The following PLXNA1 variants were observed in gnomAD, a reference collection of about 807,000 sequenced individuals.
The protein encoded by PLXNA1 is plexin-A1.
A neutral mutation model predicts 191.7 loss-of-function variants in PLXNA1; 77 were observed. The ratio of observed to expected loss-of-function variants is 0.40; its 90% CI spans 0.33 to 0.49. The LOEUF is 0.49. PLXNA1 is among the 20% of genes least tolerant of loss of function. The pLI is 0.63. For synonymous variants in PLXNA1, 1,137 were observed against 1,156.4 expected (o/e 0.98, Z 0.34); for missense variants, 2,110 against 2,660.2 (o/e 0.79, Z 4.55).
In PLXNA1 at chr3:126,988,744, C is replaced by T. The variant is rs762922365; in HGVS notation, c.151C>T (p.Leu51Phe). 10 of 1,590,458 alleles carry T rather than the reference C, an allele frequency of 6.3e-6. No homozygotes were observed. In the South Asian group the frequency reaches 1.1e-4, roughly 18 times the overall value. Residue 51 changes from leucine to phenylalanine, a missense_variant, in exon 2 of 32, where the codon CTC (leucine) becomes TTC (phenylalanine). By Grantham distance (22) the Leu-to-Phe change is conservative. Coordinates refer to ENST00000393409, the MANE Select transcript of PLXNA1 (RefSeq NM_032242.4). Reference sequence around the variant, plus strand: ...CACCTTCTCGGCCAGCGACTGGGGCCTCACCCACCTAGTGGTGCATGAGCA... The same window carrying T: ...CACCTTCTCGGCCAGCGACTGGGGCTTCACCCACCTAGTGGTGCATGAGCA... Reference protein sequence around the residue: ...FRTFSASDWGLTHLVVHEQTG... With the variant: ...FRTFSASDWGFTHLVVHEQTG...
intron 3 of PLXNA1, among the ~76,000 whole-genome samples, chr3:127,000,451 C>T (rs1195664604): frequency 2.0e-5 from 3 of 152,114 alleles, no homozygotes; most frequent in Non-Finnish European, 4.4e-5. Flanking sequence ...GGCGTGTGCC[C>T]TTCTGTCCTG....
Position 126,983,236 on chromosome 3 carries a change from GGGCGGCTGGGCGCGGCGATGGCC to G in PLXNA1, c.-118_-96del, listed in dbSNP as rs890906626. On this transcript the variant is annotated 5_prime_UTR_variant, in exon 1 of 32. An upstream start codon of the reference 5' UTR is lost. Transcript: ENST00000393409. ...GCGGGGCGGACGGCGGCGGCGGCGCGGGCGGCTGGGCGCGGCGATGGCCGGCGGCGGGGCGCGCCCCGGGGCGG... is the reference window on the plus strand; with the variant it reads ...GCGGGGCGGACGGCGGCGGCGGCGCGGGCGGCGGGGCGCGCCCCGGGGCGG... Among the ~76,000 whole-genome samples, 1 of 143,288 alleles carries G rather than the reference GGGCGGCTGGGCGCGGCGATGGCC, an allele frequency of 7.0e-6. No homozygotes were observed. The highest frequency in any genetic ancestry group is 2.5e-5 in the African/African-American group (1 of 39,964). The allele number at this position is 143,288 out of a possible 152,430, so 94.0% of individuals were successfully genotyped here.
rs1166484051 is a variant in PLXNA1 at position 126,991,526 on chromosome 3, C to G, written c.1337C>G (p.Thr446Ser). ...GCTGCCTATGACTATCGGGGCCGCA[C>G]TGTGGTATTCGCCGGCACGCGAAGT... ...AVAAYDYRGRTVVFAGTRSGR... is the reference protein window; with the variant it reads ...AVAAYDYRGRSVVFAGTRSGR... Residue 446 changes from threonine to serine, a missense_variant, in exon 3 of 32, where the codon ACT becomes AGT. Physicochemically the swap from Thr to Ser is moderately conservative, Grantham distance 58 (BLOSUM62 1). This residue lies in a region of PLXNA1 where 903 missense variants were observed against 1,015.7 expected (regional missense o/e 0.89). Transcript: ENST00000393409. 6.2e-7 allele frequency: 1 copy of G among 1,605,278 alleles called. No individual in the cohort carries two copies. Among genetic ancestry groups the G allele is most frequent in the East Asian group, 2.2e-5 (1 of 44,552 alleles).
chr3:126,986,046 GCTTCTTAGCCTGGTCC>G (rs2078957712), intron 1 of PLXNA1, among the ~76,000 whole-genome samples: 1 of 152,214 alleles, frequency 6.6e-6, no homozygotes, highest in Admixed American at 6.5e-5. Flanking sequence ...TTGGATGGTG[GCTTCTTAGCCTGGTCC>G]CTCCTGTTGA....
chr3:127,033,504 C>CCAGGGGAG, intron 31 of PLXNA1, among the ~76,000 whole-genome samples: 1 of 152,084 alleles, frequency 6.6e-6, no homozygotes, highest in Non-Finnish European at 1.5e-5. Context: ...GGCAGGTGCC[C>CCAGGGGAG]CAGGGGAGCA....
intron 3 of PLXNA1, 34 bp from the exon 4 acceptor site, chr3:127,003,296 G>A: frequency 1.9e-6 from 3 of 1,559,484 alleles, no homozygotes; most frequent in Admixed American, 1.8e-5. Flanking sequence ...GGAGGTATCA[G>A]CACAGCTCCA....
At chr3:127,030,499 C>G (rs2079203868) in intron 29 of PLXNA1, 87 bp downstream of exon 29, 3 of 1,513,296 alleles carry the variant, frequency 2.0e-6, no homozygotes, top group South Asian at 2.5e-5. Context: ...GATCCGGAGC[C>G]CCCACTTGGG....
rs2079127416 is a variant in PLXNA1 at position 127,017,038 on chromosome 3, G to A, written c.3276+1G>A. 4 of 1,612,186 alleles carry A rather than the reference G, an allele frequency of 2.5e-6. No individual in the cohort carries two copies. Among genetic ancestry groups the A allele is most frequent in the South Asian group, 1.1e-5 (1 of 91,004 alleles). The stretch of plus-strand genomic sequence containing the variant: ...GTATGGAGGCATTGAGAGGGAGAAC[G>A]TGAGTCCCTGCCCTCAGCTGCCCAC... On this transcript the variant is annotated splice_donor_variant, in intron 17 of 31. Coordinates refer to ENST00000393409, the MANE Select transcript of PLXNA1 (RefSeq NM_032242.4). LOFTEE classifies it high-confidence loss of function.
At chr3:127,032,356 A>C in intron 29 of PLXNA1, 31 bp from the exon 30 acceptor site, 1 of 1,605,462 alleles carries the variant, frequency 6.2e-7, no homozygotes, top group Non-Finnish European at 8.5e-7. Context: ...GCAGAGGCCT[A>C]TCTGAGCAGC....
At chr3:127,023,823 C>T (rs570877204) in intron 23 of PLXNA1, among the ~76,000 whole-genome samples, 3 of 152,092 alleles carry the variant, frequency 2.0e-5, no homozygotes, top group Admixed American at 6.5e-5. Context: ...GGGTGGGATT[C>T]GAGCAGAGGT....
chr3:127,014,814 A>C lies in PLXNA1; in HGVS notation c.2860A>C (p.Lys954Gln). The change falls in exon 14 of 32, where the codon AAG becomes CAG. Residue 954 changes from lysine to glutamine, a missense_variant. Transcript: ENST00000393409. ...CSPHYRALSPKRFTFVTPTFY... is the reference protein window; with the variant it reads ...CSPHYRALSPQRFTFVTPTFY... ...ACCACACTACCGCGCCCTGTCACCC[A>C]AGCGCTTCACCTTCGTGGTGAGTCT... is the stretch of plus-strand genomic sequence containing the variant. The C allele has an allele frequency of 6.2e-7, 1 of 1,612,502 alleles. No individual in the cohort carries two copies. Among genetic ancestry groups the C allele is most frequent in the South Asian group, 1.1e-5 (1 of 91,032 alleles).
chr3:127,014,893 G>A (rs749784872), intron 14 of PLXNA1, 62 bp downstream of exon 14: 8 of 1,573,550 alleles, frequency 5.1e-6, no homozygotes, highest in African/African-American at 1.3e-5. Context: ...GCCGCTCAGG[G>A]CTTCTGTGCC....
rs750769186 is a variant in PLXNA1 at position 127,028,318 on chromosome 3, C to G, written c.4647C>G (p.Pro1549=). 46 of 1,611,786 alleles carry G rather than the reference C, an allele frequency of 2.9e-5. No individual in the cohort carries two copies. The South Asian group carries it at 4.9e-4, about 17-fold the overall frequency. ...AYKGVPYSQR[P]KAADMDLEWR... ...AGGGCGTGCCCTACTCCCAGCGGCC[C>G]AAGGCCGCGGACATGGACCTGGGTG... The change falls in exon 25 of 32, where the codon CCC becomes CCG. Residue 1549 remains proline, a synonymous_variant. Coordinates refer to ENST00000393409, the MANE Select transcript of PLXNA1 (RefSeq NM_032242.4).
At chr3:127,009,561 C>T (rs1227052462) in intron 9 of PLXNA1, among the ~76,000 whole-genome samples, 1 of 131,926 alleles carries the variant, frequency 7.6e-6, no homozygotes, top group African/African-American at 2.6e-5. Flanking sequence ...CCCCCCCCAA[C>T]CCCCCCACAA....
At position 127,015,058 on chromosome 3, in the gene PLXNA1, TC is replaced by T; in HGVS notation, c.2878-123del. On this transcript the variant is annotated intron_variant, in intron 14 of 31. Transcript: ENST00000393409. ...GGAAGTACTGGCTCTGAAGTGCAGC[TC>T]CCGGGCATGCGGGCTCCTAGTCTGG... The T allele has an allele frequency of 4.2e-6, 6 of 1,414,650 alleles. No homozygotes were observed. In the South Asian group the frequency reaches 8.3e-5, roughly 20 times the overall value. 87.6% of individuals were successfully genotyped at this position (1,414,650 alleles called of 1,614,324 possible).
rs1441511872 is a variant in PLXNA1 at position 127,012,063 on chromosome 3, C to T, written c.2218C>T (p.Arg740Cys). 1.4e-5 allele frequency: 22 copies of T among 1,613,848 alleles called. No homozygotes were observed. The highest frequency in any genetic ancestry group is 1.9e-5 in the Non-Finnish European group (22 of 1,180,044). ...CCTGCCACAGCCACAGTCAGGCCAG[C>T]GTGGATATGAGTGCCTCTTCCACAT... ...RNLPQPQSGQ[R>C]GYECLFHIPG... Residue 740 changes from arginine to cysteine, a missense_variant, in exon 10 of 32, where the codon CGT becomes TGT. Around this residue, in one of 4 missense-constraint regions of PLXNA1, gnomAD observed 4 missense variants for 18.7 expected, o/e 0.21. Transcript: ENST00000393409.
rs1019556332 is a variant in PLXNA1 at position 127,018,413 on chromosome 3, C to G, written c.3780C>G (p.Ile1260Met). The change falls in exon 20 of 32, where the codon ATC (isoleucine) becomes ATG (methionine). Residue 1260 changes from isoleucine (I) to methionine (M), a missense_variant. Physicochemically the swap from Ile to Met is conservative, Grantham distance 10 (BLOSUM62 1). Around this residue, in one of 4 missense-constraint regions of PLXNA1, gnomAD observed 559 missense variants for 911.5 expected, o/e 0.61. Coordinates refer to ENST00000393409, the MANE Select transcript of PLXNA1 (RefSeq NM_032242.4). ...GCGGGGGTCTCCTGCTGCTGGTCAT[C>G]GTGGCTGTGCTCATCGCCTACAAGC... The part of the protein sequence containing the change: ...GGGGGLLLLV[I>M]VAVLIAYKRK... 1 of 1,613,058 alleles carries G rather than the reference C, an allele frequency of 6.2e-7. No homozygotes were observed. Among genetic ancestry groups the G allele is most frequent in the Non-Finnish European group, 8.5e-7 (1 of 1,180,000 alleles).
rs749748554 is a variant in PLXNA1 at position 126,989,452 on chromosome 3, G to C, written c.859G>C (p.Val287Leu). The C allele has an allele frequency of 6.2e-7, 1 of 1,613,664 alleles. No homozygotes were observed. The highest frequency in any genetic ancestry group is 8.5e-7 in the Non-Finnish European group (1 of 1,180,046). ...CACGTCCAAGATCGTGCGGCTCTGT[G>C]TGGACGACCCCAAATTCTACTCGTA... is the stretch of plus-strand genomic sequence containing the variant. ...FFTSKIVRLC[V>L]DDPKFYSYVE... The change falls in exon 2 of 32, where the codon GTG becomes CTG. Residue 287 changes from valine (V) to leucine (L), a missense_variant. Physicochemically the swap from Val to Leu is conservative, Grantham distance 32. Coordinates refer to ENST00000393409, the MANE Select transcript of PLXNA1 (RefSeq NM_032242.4).
At chr3:126,991,603 G>A in intron 3 of PLXNA1, 37 bp downstream of exon 3, 1 of 1,527,728 alleles carries the variant, frequency 6.5e-7, no homozygotes, top group South Asian at 1.3e-5. Flanking sequence ...GAGGGGGCTT[G>A]GGGCAGGAAC....
Sources: allele counts gnomAD v4.1 joint callset (sites outside exome capture counted in the v4.1 genomes callset), GRCh38; gene constraint gnomAD v4.1.1; regional missense constraint gnomAD v4.1.1; transcripts MANE v1.5; gene names NCBI Gene and HGNC (gene_info 2026-07-23, HGNC 2026-07-21).